The following CDH10 variants were observed in gnomAD, a reference collection of about 807,000 sequenced individuals.
CDH10 encodes cadherin-10.
A neutral mutation model predicts 73.1 loss-of-function variants in CDH10; 30 were observed. The ratio of observed to expected loss-of-function variants is 0.41; its 90% CI spans 0.31 to 0.56. The LOEUF is 0.56. Ranked by LOEUF, CDH10 falls within the 20% of genes least tolerant of loss-of-function variation. The probability of loss-of-function intolerance (pLI) is 0.27; values close to 1 mark genes in which losing one functional copy is unlikely to be tolerated. For synonymous variants in CDH10, 345 were observed against 348.2 expected, an observed-to-expected ratio of 0.99 and a Z score of 0.10; for missense variants, 815 against 973.7, an observed-to-expected ratio of 0.84 and a Z score of 2.17.
chr5:24,509,927 T>G (rs2111756323), intron 6 of CDH10, 108 bp from the exon 7 acceptor site: 1 of 699,814 alleles, frequency 1.4e-6, no homozygotes, highest in African/African-American at 1.8e-5. Flanking sequence ...CTTACATAGT[T>G]CATTAATTAT....
intron 1 of CDH10, among the ~76,000 whole-genome samples, chr5:24,642,052 C>T (rs1202698171): frequency 6.6e-6 from 1 of 152,058 alleles, no homozygotes; most frequent in Non-Finnish European, 1.5e-5. Context: ...ATGGCTAATG[C>T]TTTTAATACC....
chr5:24,598,945 T>C (rs1444210430), intron 1 of CDH10, among the ~76,000 whole-genome samples: 1 of 152,118 alleles, frequency 6.6e-6, no homozygotes, highest in Non-Finnish European at 1.5e-5. Flanking sequence ...ATAAAACATA[T>C]GGCAGGGATA....
intron 1 of CDH10, among the ~76,000 whole-genome samples, chr5:24,616,471 A>AAATG (rs1747132596): frequency 6.6e-6 from 1 of 152,230 alleles, no homozygotes; most frequent in African/African-American, 2.4e-5. Context: ...ATATATAGAA[A>AAATG]AATGAATGGT....
chr5:24,614,201 A>C (rs1017243262), intron 1 of CDH10, among the ~76,000 whole-genome samples: 1 of 152,106 alleles, frequency 6.6e-6, no homozygotes, highest in Non-Finnish European at 1.5e-5. Context: ...GATAGGAAAA[A>C]CTCTGTAAGT....
At chr5:24,542,924 G>A (rs1431615446) in intron 2 of CDH10, among the ~76,000 whole-genome samples, 1 of 152,086 alleles carries the variant, frequency 6.6e-6, no homozygotes, top group Admixed American at 6.6e-5. Context: ...CACCTTAGGA[G>A]TTAGGATTTC....
intron 2 of CDH10, among the ~76,000 whole-genome samples, chr5:24,560,212 G>GTGTGTA (rs1561163325): frequency 0.085 from 1,530 of 18,060 alleles, 39 homozygotes; most frequent in African/African-American, 0.18. Context: ...GTGTGTGTGT[G>GTGTGTA]TGTGTGTGTG....
chr5:24,487,421 G>C lies in CDH10; in HGVS notation c.*242C>G, dbSNP rs1741879823. ...TCTGAAATTATCTTTTATTTACTAA[G>C]ATGGACAACACTGTATTTCCATAGC... On this transcript the variant is annotated 3_prime_UTR_variant, in exon 12 of 12. Transcript: ENST00000264463. 9.7e-6 allele frequency: 4 copies of C among 412,806 alleles called. No homozygotes were observed. 25.6% of individuals were successfully genotyped at this position (412,806 alleles called of 1,614,324 possible). A position where few individuals can be genotyped will look rare whatever the true frequency, so the allele number is the denominator to read the frequency against.
chr5:24,572,878 T>G (rs2112027790), intron 2 of CDH10, among the ~76,000 whole-genome samples: 1 of 148,240 alleles, frequency 6.7e-6, no homozygotes, highest in Middle Eastern at 3.6e-3. Context: ...CAGAAAAGCT[T>G]TACTTTATTC....
rs148972922 is a variant in CDH10, at chr5:24,571,672, T to C, written c.231+21588A>G. On this transcript the variant is annotated intron_variant, in intron 2 of 11. Coordinates refer to ENST00000264463, the MANE Select transcript of CDH10 (RefSeq NM_006727.5). ...AAACCTACATAAGGTAGTCCATACATTATTACATTCAATTCTATAATAGCA... is the reference window on the plus strand; with the variant it reads ...AAACCTACATAAGGTAGTCCATACACTATTACATTCAATTCTATAATAGCA... Among the ~76,000 whole-genome samples, 7 of 151,958 alleles carry C rather than the reference T, an allele frequency of 4.6e-5. No homozygotes were observed. The East Asian group carries it at 1.4e-3, about 29-fold the overall frequency.
In CDH10 at chr5:24,526,856, A is replaced by G. The variant is rs142225720; in HGVS notation, c.814+8256T>C. On this transcript the variant is annotated intron_variant, in intron 5 of 11. Coordinates refer to ENST00000264463, the MANE Select transcript of CDH10 (RefSeq NM_006727.5). ...TATTCAACCCTTTCATGATGCTAACAACGTCTTATCTCATAATCTCACCTC... is the reference window on the plus strand; with the variant it reads ...TATTCAACCCTTTCATGATGCTAACGACGTCTTATCTCATAATCTCACCTC... 2.0e-5 allele frequency among the ~76,000 whole-genome samples: 3 copies of G among 151,922 alleles called. No homozygotes were observed. The East Asian group carries it at 5.8e-4, about 29-fold the overall frequency.
chr5:24,635,829 T>C (rs1012091633), intron 1 of CDH10, among the ~76,000 whole-genome samples: 3 of 151,876 alleles, frequency 2.0e-5, no homozygotes, highest in Non-Finnish European at 4.4e-5. Context: ...AAGTCAACTG[T>C]GTGCCTGGAA....
In CDH10 at chr5:24,592,610, T is replaced by C. The variant is rs1195654930; in HGVS notation, c.231+650A>G. On this transcript the variant is annotated intron_variant, in intron 2 of 11. Coordinates refer to ENST00000264463, the MANE Select transcript of CDH10 (RefSeq NM_006727.5). The stretch of plus-strand genomic sequence containing the variant: ...TTTCATTTCCAACCACAACTAATTA[T>C]CCTCACTAACTTTATAATTCTGTAG... Among the ~76,000 whole-genome samples the C allele has an allele frequency of 2.0e-5, 3 of 151,842 alleles. 1 individual carries two copies. The East Asian group carries it at 5.8e-4, about 29-fold the overall frequency.
At chr5:24,533,862 G>T (rs1195190639) in intron 5 of CDH10, among the ~76,000 whole-genome samples, 3 of 151,920 alleles carry the variant, frequency 2.0e-5, no homozygotes, top group Non-Finnish European at 4.4e-5. Flanking sequence ...ATGAGTTCTG[G>T]AGCCCAGCAC....
intron 1 of CDH10, among the ~76,000 whole-genome samples, chr5:24,615,053 A>G (rs1453522416): frequency 6.6e-6 from 1 of 152,088 alleles, no homozygotes; most frequent in East Asian, 1.9e-4. Flanking sequence ...ACTCTCAACT[A>G]TGCTTTCTTC....
At chr5:24,521,585 C>T (rs1198835408) in intron 5 of CDH10, among the ~76,000 whole-genome samples, 3 of 151,442 alleles carry the variant, frequency 2.0e-5, no homozygotes, top group African/African-American at 7.3e-5. Flanking sequence ...GCACTCGAGC[C>T]TGGGCAACAA....
chr5:24,490,730 A>T (rs965542435), intron 11 of CDH10, among the ~76,000 whole-genome samples: 2 of 152,182 alleles, frequency 1.3e-5, no homozygotes, highest in Non-Finnish European at 2.9e-5. Flanking sequence ...TCATAAAAAT[A>T]TTGCTACAAT....
At position 24,488,967 on chromosome 5, in the gene CDH10, C is replaced by T. The variant is rs75649234; in HGVS notation, c.1877-814G>A. ...TTCAATGAGAGACAATATTCATAATCAAAACAGTGGTAATAGCATAAATGA... is the reference window on the plus strand; with the variant it reads ...TTCAATGAGAGACAATATTCATAATTAAAACAGTGGTAATAGCATAAATGA... On this transcript the variant is annotated intron_variant, in intron 11 of 11. Coordinates refer to ENST00000264463, the MANE Select transcript of CDH10 (RefSeq NM_006727.5). 6.4e-3 allele frequency among the ~76,000 whole-genome samples: 975 copies of T among 152,090 alleles called. 7 individuals carry two copies. Among genetic ancestry groups the T allele is most frequent in the South Asian group, 9.7e-3 (47 of 4,822 alleles).
chr5:24,614,210 GT>G (rs1418076442), intron 1 of CDH10, among the ~76,000 whole-genome samples: 1 of 152,148 alleles, frequency 6.6e-6, no homozygotes, highest in African/African-American at 2.4e-5. Context: ...AACTCTGTAA[GT>G]TCTACGGATA....
At chr5:24,550,064 A>T (rs1364533539) in intron 2 of CDH10, among the ~76,000 whole-genome samples, 2 of 152,188 alleles carry the variant, frequency 1.3e-5, no homozygotes, top group Non-Finnish European at 2.9e-5. Flanking sequence ...GAAGAGAATG[A>T]AGAATACCAG....
Sources: gnomAD v4.1 joint callset for allele counts (sites outside exome capture counted in the v4.1 genomes callset) on GRCh38, gnomAD v4.1.1 for gene constraint, MANE v1.5 for transcripts, NCBI Gene and HGNC (gene_info 2026-07-23, HGNC 2026-07-21) for gene names.